The following NKAIN2 variants were observed in gnomAD, a reference collection of about 807,000 sequenced individuals.
The protein encoded by NKAIN2 is sodium/potassium-transporting ATPase subunit beta-1-interacting protein 2.
Under a neutral mutation model 32.6 loss-of-function variants are expected in NKAIN2, and 14 were observed. The observed-to-expected ratio is 0.43, with a 90% CI of 0.28 to 0.67. The LOEUF (loss-of-function observed/expected upper bound fraction) is 0.67. NKAIN2 is among the 30% of genes least tolerant of loss of function. The probability of loss-of-function intolerance (pLI) is 0.17; values close to 1 mark genes in which losing one functional copy is unlikely to be tolerated. For missense variants in NKAIN2, 198 were observed against 258.3 expected (o/e 0.77, Z 1.60); for synonymous variants, 80 against 87.2 (o/e 0.92, Z 0.46).
chr6:124,662,050 A>G (rs1011362649), intron 4 of NKAIN2, among the ~76,000 whole-genome samples: 1 of 152,184 alleles, frequency 6.6e-6, no homozygotes, highest in Non-Finnish European at 1.5e-5. Context: ...ACATGCTGTC[A>G]TAGCAAGGTT....
chr6:124,407,499 T>C (rs1773918871), intron 3 of NKAIN2, among the ~76,000 whole-genome samples: 1 of 152,158 alleles, frequency 6.6e-6, no homozygotes, highest in Non-Finnish European at 1.5e-5. Context: ...TCCAGCTTCA[T>C]CCATGTCCCT....
chr6:124,382,600 A>G (rs1278242401), intron 3 of NKAIN2, among the ~76,000 whole-genome samples: 1 of 152,172 alleles, frequency 6.6e-6, no homozygotes, highest in African/African-American at 2.4e-5. Context: ...AAAGCAAGGA[A>G]GTTTGGTGGA....
At chr6:124,080,989 G>T (rs73770346) in intron 1 of NKAIN2, among the ~76,000 whole-genome samples, 6 of 151,860 alleles carry the variant, frequency 4.0e-5, no homozygotes, top group Non-Finnish European at 7.4e-5. Context: ...TTGATTTCAG[G>T]GCAGTTAGTT....
At chr6:124,021,589 T>G (rs1054798536) in intron 1 of NKAIN2, among the ~76,000 whole-genome samples, 12 of 152,074 alleles carry the variant, frequency 7.9e-5, no homozygotes, top group African/African-American at 2.9e-4. Context: ...ACTTTTATAT[T>G]CTTTTACCTT....
chr6:124,372,779 C>G (rs1799821279), intron 3 of NKAIN2, among the ~76,000 whole-genome samples: 1 of 151,914 alleles, frequency 6.6e-6, no homozygotes, highest in African/African-American at 2.4e-5. Context: ...ATAAACATTT[C>G]TATACTTTTC....
Position 123,813,578 on chromosome 6 carries a change from G to A in NKAIN2, c.54+9324G>A, listed in dbSNP as rs559145436. On this transcript the variant is annotated intron_variant, in intron 1 of 6. Transcript: ENST00000368417. ...TGTAATACCAGCACTTTGGGAGGCC[G>A]AGGCCGGTAGATCACCTGAGGTCAG... 1.3e-3 allele frequency among the ~76,000 whole-genome samples: 196 copies of A among 152,136 alleles called. 1 individual carries two copies. Among genetic ancestry groups the A allele is most frequent in the Middle Eastern group, 3.4e-3 (1 of 294 alleles).
chr6:124,082,430 G>A (rs1183423552), intron 1 of NKAIN2, among the ~76,000 whole-genome samples: 2 of 152,012 alleles, frequency 1.3e-5, no homozygotes, highest in Non-Finnish European at 2.9e-5. Context: ...CAAAAGATAT[G>A]AGAATTGGTT....
At chr6:124,721,328 C>G (rs921756876) in intron 4 of NKAIN2, among the ~76,000 whole-genome samples, 2 of 150,404 alleles carry the variant, frequency 1.3e-5, no homozygotes, top group African/African-American at 4.9e-5. Flanking sequence ...GGCGTGAACC[C>G]GGAAGGCGGA....
intron 4 of NKAIN2, among the ~76,000 whole-genome samples, chr6:124,764,502 G>A (rs7754584): frequency 0.24 from 36,006 of 151,900 alleles, 4,426 homozygotes; most frequent in Middle Eastern, 0.3. Context: ...GAAGCAGCCC[G>A]TAAGCTACAA....
At chr6:124,791,480 C>T (rs1022957765) in intron 5 of NKAIN2, 81 bp downstream of exon 5, 46 of 876,874 alleles carry the variant, frequency 5.2e-5, no homozygotes, top group Non-Finnish European at 8.5e-5. Flanking sequence ...TCCTATTCCT[C>T]AGACAAGATC....
chr6:124,427,780 A>C (rs527968767), intron 3 of NKAIN2, among the ~76,000 whole-genome samples: 1 of 152,176 alleles, frequency 6.6e-6, no homozygotes, highest in African/African-American at 2.4e-5. Flanking sequence ...TATAGACCAC[A>C]TATTTCCCTG....
chr6:123,900,532 GTTTTTTTTTTTTT>G (rs34370743), intron 1 of NKAIN2, among the ~76,000 whole-genome samples: 16 of 32,786 alleles, frequency 4.9e-4, no homozygotes, highest in East Asian at 1.9e-3. Context: ...CTCCAGATTA[GTTTTTTTTTTTTT>G]TTTTTTTTTT....
chr6:124,550,721 T>G (rs188154884), intron 3 of NKAIN2, among the ~76,000 whole-genome samples: 3 of 152,164 alleles, frequency 2.0e-5, no homozygotes, highest in African/African-American at 7.2e-5. Flanking sequence ...GAAGTGGTAA[T>G]AGGTTCCAGG....
chr6:123,875,436 A>G (rs1185391425), intron 1 of NKAIN2, among the ~76,000 whole-genome samples: 1 of 151,886 alleles, frequency 6.6e-6, no homozygotes, highest in Non-Finnish European at 1.5e-5. Flanking sequence ...TTACTCATAC[A>G]TTTATTTACC....
chr6:124,137,972 A>G (rs1291300213), intron 1 of NKAIN2, among the ~76,000 whole-genome samples: 1 of 152,196 alleles, frequency 6.6e-6, no homozygotes, highest in Non-Finnish European at 1.5e-5. Flanking sequence ...TTAATGACCC[A>G]GAGCCCAAAA....
intron 3 of NKAIN2, among the ~76,000 whole-genome samples, chr6:124,463,967 TG>T (rs1776639440): frequency 6.6e-6 from 1 of 152,092 alleles, no homozygotes; most frequent in Non-Finnish European, 1.5e-5. Context: ...ATCATTTGAA[TG>T]GCACTTTGTT....
chr6:124,284,425 G>A (rs1795450646), intron 2 of NKAIN2, among the ~76,000 whole-genome samples: 1 of 152,026 alleles, frequency 6.6e-6, no homozygotes, highest in Non-Finnish European at 1.5e-5. Context: ...TCTTTAAAAT[G>A]AAAGTAGTCA....
intron 5 of NKAIN2, among the ~76,000 whole-genome samples, chr6:124,795,581 G>T (rs1005520563): frequency 2.0e-5 from 3 of 152,026 alleles, no homozygotes; most frequent in African/African-American, 7.3e-5. Flanking sequence ...AGTTCCTTTG[G>T]GGTACTATAG....
intron 4 of NKAIN2, among the ~76,000 whole-genome samples, chr6:124,757,097 CT>C (rs11286124): frequency 0.56 from 84,305 of 151,828 alleles, 23,697 homozygotes; most frequent in Middle Eastern, 0.62. Context: ...CTTCTATTCC[CT>C]CCACTGTCGC....
Sources: allele counts gnomAD v4.1 joint callset (sites outside exome capture counted in the v4.1 genomes callset), GRCh38; gene constraint gnomAD v4.1.1; transcripts MANE v1.5; gene names NCBI Gene and HGNC (gene_info 2026-07-23, HGNC 2026-07-21).